OLFM2: variants seen among roughly 807,000 people sequenced by gnomAD.
The protein encoded by OLFM2 is noelin-2.
In OLFM2, 20 loss-of-function variants were observed where a neutral mutation model predicts 43.9. The observed-to-expected ratio is 0.46, with a 90% CI of 0.32 to 0.66. The LOEUF is 0.66. Among genes scored for constraint, OLFM2 ranks in the 30% least tolerant of loss-of-function variants. OLFM2 has a pLI of 0.04. For missense variants in OLFM2, 416 were observed against 643.6 expected (o/e 0.65, Z 3.83); for synonymous variants, 268 against 278.6 (o/e 0.96, Z 0.38).
rs749026855 is a variant in OLFM2, at chr19:9,854,537, G to T, written c.1014C>A (p.Thr338=). 4 of 1,613,832 alleles carry T rather than the reference G, an allele frequency of 2.5e-6. No individual in the cohort carries two copies. The highest frequency in any genetic ancestry group is 2.5e-6 in the Non-Finnish European group (3 of 1,180,032). The change falls in exon 6 of 6, where the codon ACC becomes ACA. Residue 338 remains threonine (T), a synonymous_variant. Coordinates refer to ENST00000264833, the MANE Select transcript of OLFM2 (RefSeq NM_058164.4). This position sits in a 1 kb window ranked among gnomAD's most constrained non-coding sequence, Gnocchi z 9.5. ...DESGLWAVYT[T]NQNAGNIVVS... is the part of the protein sequence containing the mutation. ...CCACGATGTTGCCCGCGTTCTGGTT[G>T]GTGGTGTACACAGCCCAGAGCCCGC...
intron 1 of OLFM2, among the ~76,000 whole-genome samples, chr19:9,872,429 C>T (rs1298744788): frequency 4.0e-5 from 6 of 151,866 alleles, no homozygotes; most frequent in South Asian, 2.1e-4. Flanking sequence ...GTGGGAGGAT[C>T]GCCTGAGCCT....
intron 1 of OLFM2, among the ~76,000 whole-genome samples, chr19:9,884,033 C>A (rs61359210): frequency 0.011 from 1,665 of 151,090 alleles, 22 homozygotes; most frequent in African/African-American, 0.038. Context: ...TTTGGGAGGC[C>A]GGGGTGAAAG....
chr19:9,913,773 G>A (rs1599497522), intron 1 of OLFM2: 23 of 655,894 alleles, frequency 3.5e-5, no homozygotes, highest in Non-Finnish European at 4.4e-5. Flanking sequence ...GACGGGGTGA[G>A]GGGGGGCTCG....
chr19:9,907,081 CTCCAG>C (rs2046791436), intron 1 of OLFM2, among the ~76,000 whole-genome samples: 1 of 152,196 alleles, frequency 6.6e-6, no homozygotes, highest in African/African-American at 2.4e-5. Context: ...CCACCTCCAT[CTCCAG>C]TCAACACTTG....
At chr19:9,884,078 G>A (rs576379444) in intron 1 of OLFM2, among the ~76,000 whole-genome samples, 3 of 151,784 alleles carry the variant, frequency 2.0e-5, no homozygotes, top group Non-Finnish European at 4.4e-5. Context: ...GACCAGCCTG[G>A]GTAACATAGT....
intron 1 of OLFM2, among the ~76,000 whole-genome samples, chr19:9,888,934 C>T (rs2046613669): frequency 6.6e-6 from 1 of 151,800 alleles, no homozygotes. Flanking sequence ...GGCATGGTGG[C>T]GGGTGCCTGT....
chr19:9,917,870 T>C (rs558669961), intron 1 of OLFM2, among the ~76,000 whole-genome samples: 5 of 126,558 alleles, frequency 4.0e-5, no homozygotes, highest in African/African-American at 1.5e-4. Context: ...TACCCTACTT[T>C]AGTTGTTTTT....
At chr19:9,894,774 C>T (rs1184428309) in intron 1 of OLFM2, among the ~76,000 whole-genome samples, 2 of 152,074 alleles carry the variant, frequency 1.3e-5, no homozygotes, top group Non-Finnish European at 2.9e-5. Context: ...TTGAGAACCA[C>T]AGCTCTAGAC....
intron 1 of OLFM2, among the ~76,000 whole-genome samples, chr19:9,928,207 C>T (rs963408208): frequency 3.5e-5 from 5 of 142,174 alleles, no homozygotes; most frequent in African/African-American, 5.4e-5. Flanking sequence ...CAAGACCCTG[C>T]GTCTTAAAAA....
At chr19:9,910,844 G>T (rs2046821482) in intron 1 of OLFM2, among the ~76,000 whole-genome samples, 1 of 152,106 alleles carries the variant, frequency 6.6e-6, no homozygotes, top group Admixed American at 6.6e-5. Context: ...CAGATGGATG[G>T]ACAGATGGAA....
rs77569263 is a variant in OLFM2 at position 9,923,520 on chromosome 19, G to A, written c.63+12784C>T. 3.3e-4 allele frequency among the ~76,000 whole-genome samples: 48 copies of A among 143,658 alleles called. No homozygotes were observed. The East Asian group carries it at 9.0e-3, about 27-fold the overall frequency. 94.2% of individuals were successfully genotyped at this position (143,658 alleles called of 152,430 possible). A position where few individuals can be genotyped will look rare whatever the true frequency, so the allele number is the denominator to read the frequency against. On this transcript the variant is annotated intron_variant, in intron 1 of 5. Transcript: ENST00000264833. ...GTAGTGAGACAAGATCATCGCCACTGCACTCCAGCCTAGGCAACAAAGTGA... is the reference window on the plus strand; with the variant it reads ...GTAGTGAGACAAGATCATCGCCACTACACTCCAGCCTAGGCAACAAAGTGA...
chr19:9,897,697 G>C (rs901616466), intron 1 of OLFM2, among the ~76,000 whole-genome samples: 3 of 151,960 alleles, frequency 2.0e-5, no homozygotes, highest in Non-Finnish European at 4.4e-5. Flanking sequence ...GCCAGGTGGG[G>C]AATAATAATT....
chr19:9,864,534 C>A lies in OLFM2; in HGVS notation c.64-3740G>T, dbSNP rs541174366. On this transcript the variant is annotated intron_variant, in intron 1 of 5. Coordinates refer to ENST00000264833, the MANE Select transcript of OLFM2 (RefSeq NM_058164.4). ...CAGGCTGGTCTCGAACTCCTGGCCT[C>A]AAGTGATCCGTCCACCTTGGCCTCC... Among the ~76,000 whole-genome samples the A allele has an allele frequency of 4.6e-5, 7 of 152,226 alleles. No individual in the cohort carries two copies. The East Asian group carries it at 1.2e-3, about 25-fold the overall frequency.
At chr19:9,913,554 T>C in intron 1 of OLFM2, 1 of 1,243,720 alleles carries the variant, frequency 8.0e-7, no homozygotes, top group Non-Finnish European at 1.0e-6. Context: ...GTCTGCGACA[T>C]CCAGTTGGTG....
intron 1 of OLFM2, among the ~76,000 whole-genome samples, chr19:9,870,553 G>C (rs1355286474): frequency 6.6e-6 from 1 of 152,194 alleles, no homozygotes; most frequent in Non-Finnish European, 1.5e-5. Flanking sequence ...GCACACTGCT[G>C]TGTTCTCTCT....
intron 1 of OLFM2, among the ~76,000 whole-genome samples, chr19:9,879,007 G>A (rs147033017): frequency 5.9e-5 from 9 of 152,058 alleles, no homozygotes; most frequent in Admixed American, 1.3e-4. Context: ...TTTGTGTCCC[G>A]TTCAAATCTC....
At chr19:9,875,038 A>G (rs1202668726) in intron 1 of OLFM2, among the ~76,000 whole-genome samples, 1 of 152,174 alleles carries the variant, frequency 6.6e-6, no homozygotes, top group African/African-American at 2.4e-5. Flanking sequence ...GCCATCACTG[A>G]GAGCTTTATC....
intron 1 of OLFM2, among the ~76,000 whole-genome samples, chr19:9,920,487 A>G (rs1473260908): frequency 6.6e-6 from 1 of 152,132 alleles, no homozygotes; most frequent in Non-Finnish European, 1.5e-5. Flanking sequence ...CTCCTCTTCT[A>G]TTCAAACCAG....
At chr19:9,924,938 T>C (rs2086443792) in intron 1 of OLFM2, among the ~76,000 whole-genome samples, 1 of 151,882 alleles carries the variant, frequency 6.6e-6, no homozygotes, top group Non-Finnish European at 1.5e-5. Flanking sequence ...TTGATATATA[T>C]ATATGATATT....
Sources: allele counts gnomAD v4.1 joint callset (sites outside exome capture counted in the v4.1 genomes callset), GRCh38; gene constraint gnomAD v4.1.1; non-coding constraint Gnocchi (gnomAD v3.1); transcripts MANE v1.5; gene names NCBI Gene and HGNC (gene_info 2026-07-23, HGNC 2026-07-21).